The following DLG1 variants were observed in gnomAD, a reference collection of about 807,000 sequenced individuals.
DLG1 encodes the protein disks large homolog 1.
DLG1 carries 42 observed loss-of-function variants against 123.4 expected under a neutral mutation model. The observed-to-expected ratio is 0.34, with a 90% CI of 0.27 to 0.44. The LOEUF is 0.44. Ranked by LOEUF, DLG1 falls within the 20% of genes least tolerant of loss-of-function variation. DLG1 has a pLI of 1.00. For missense variants in DLG1, 942 were observed against 1,082.6 expected (o/e 0.87, Z 1.82); for synonymous variants, 317 against 356.2 (o/e 0.89, Z 1.24).
intron 3 of DLG1, among the ~76,000 whole-genome samples, chr3:197,294,291 G>A (rs1299849998): frequency 2.0e-5 from 3 of 152,076 alleles, no homozygotes; most frequent in Admixed American, 6.5e-5. Flanking sequence ...AAATTTAAAT[G>A]TCAAAGTAAA....
upstream of DLG1, chr3:197,298,623 CG>C (rs1778604244): frequency 1.9e-5 from 3 of 159,982 alleles, no homozygotes; most frequent in African/African-American, 7.4e-5. Context: ...AGATCCCCAC[CG>C]GGGAAAAGCC....
chr3:197,145,246 G>GCATCATCTTGTTTCTTA (rs1342839702), intron 6 of DLG1, among the ~76,000 whole-genome samples: 1 of 152,072 alleles, frequency 6.6e-6, no homozygotes, highest in Non-Finnish European at 1.5e-5. Context: ...AAGGTTATTT[G>GCATCATCTTGTTTCTTA]CATCATCTTG....
chr3:197,288,739 A>ATAC (rs1773220194), intron 3 of DLG1, among the ~76,000 whole-genome samples: 2 of 49,870 alleles, frequency 4.0e-5, no homozygotes, highest in African/African-American at 2.4e-4. Flanking sequence ...AAAAAAAAAA[A>ATAC]AAAAATACAT....
intron 4 of DLG1, among the ~76,000 whole-genome samples, chr3:197,268,782 A>C (rs909926267): frequency 6.6e-6 from 1 of 152,056 alleles, no homozygotes; most frequent in Non-Finnish European, 1.5e-5. Context: ...AATACACTGT[A>C]TAGAGGTACA....
At chr3:197,275,832 TAAC>T (rs1766155799) in intron 4 of DLG1, among the ~76,000 whole-genome samples, 1 of 152,154 alleles carries the variant, frequency 6.6e-6, no homozygotes, top group Non-Finnish European at 1.5e-5. Flanking sequence ...TGACTATAGG[TAAC>T]AACAATTTAT....
chr3:197,233,966 ATT>A (rs1310004133), intron 4 of DLG1, among the ~76,000 whole-genome samples: 1 of 152,234 alleles, frequency 6.6e-6, no homozygotes, highest in African/African-American at 2.4e-5. Flanking sequence ...TGGTAAACAC[ATT>A]TGCTTCTAGC....
chr3:197,075,848 G>A (rs1322528178), intron 18 of DLG1: 2 of 1,612,410 alleles, frequency 1.2e-6, no homozygotes, highest in South Asian at 2.2e-5. Flanking sequence ...CAGGCCTTTT[G>A]ATCCCATGTC....
intron 3 of DLG1, chr3:197,293,861 A>C (rs1432614490): frequency 1.3e-5 from 2 of 153,042 alleles, no homozygotes; most frequent in Non-Finnish European, 3.0e-5. Flanking sequence ...CCTTTAATCC[A>C]GTGGTCCACA....
chr3:197,186,595 T>G (rs1392071300), intron 5 of DLG1, among the ~76,000 whole-genome samples: 1 of 142,134 alleles, frequency 7.0e-6, no homozygotes, highest in Non-Finnish European at 1.5e-5. Flanking sequence ...TATGAAAAAT[T>G]TATGACTATG....
chr3:197,107,777 A>G (rs1461437263), intron 13 of DLG1, among the ~76,000 whole-genome samples: 1 of 150,038 alleles, frequency 6.7e-6, no homozygotes, highest in Non-Finnish European at 1.5e-5. Flanking sequence ...AAACAGAAAT[A>G]GTTTTCTTGC....
chr3:197,221,600 T>G (rs934377397), intron 4 of DLG1, among the ~76,000 whole-genome samples: 1 of 152,130 alleles, frequency 6.6e-6, no homozygotes, highest in Admixed American at 6.5e-5. Context: ...AACCTTTATG[T>G]AGACATTTTA....
intron 17 of DLG1, chr3:197,080,812 A>G (rs1454385664): frequency 2.9e-6 from 1 of 343,996 alleles, no homozygotes; most frequent in African/African-American, 2.1e-5. Flanking sequence ...AATACATTTC[A>G]TTTATAAAAA....
At chr3:197,147,537 T>C (rs1791535460) in intron 6 of DLG1, among the ~76,000 whole-genome samples, 1 of 151,902 alleles carries the variant, frequency 6.6e-6, no homozygotes, top group Non-Finnish European at 1.5e-5. Context: ...TGAATGGAAC[T>C]GGAGATTATT....
intron 14 of DLG1, among the ~76,000 whole-genome samples, chr3:197,104,192 A>C (rs967091331): frequency 6.6e-6 from 1 of 152,146 alleles, no homozygotes; most frequent in Non-Finnish European, 1.5e-5. Flanking sequence ...AATCTGGGTG[A>C]CCTAATTTTT....
chr3:197,273,240 C>CTTTATT (rs563442193), intron 4 of DLG1, among the ~76,000 whole-genome samples: 2 of 137,866 alleles, frequency 1.5e-5, no homozygotes, highest in African/African-American at 5.8e-5. Context: ...ATATTTTTTT[C>CTTTATT]TTTATTTTTA....
At chr3:197,262,651 T>A (rs918449734) in intron 4 of DLG1, among the ~76,000 whole-genome samples, 42 of 152,188 alleles carry the variant, frequency 2.8e-4, no homozygotes, top group African/African-American at 9.4e-4. Context: ...CTTCAGAGAC[T>A]ACTACTATCT....
intron 5 of DLG1, among the ~76,000 whole-genome samples, chr3:197,177,551 A>G (rs1271897911): frequency 1.3e-5 from 2 of 152,182 alleles, no homozygotes; most frequent in African/African-American, 4.8e-5. Context: ...AGGTCAATCA[A>G]TCTAGGATGG....
intron 14 of DLG1, among the ~76,000 whole-genome samples, chr3:197,091,882 A>G (rs1757916056): frequency 6.6e-6 from 1 of 152,162 alleles, no homozygotes; most frequent in African/African-American, 2.4e-5. Flanking sequence ...GTAGGTTAAG[A>G]TGACAGAGTA....
At chr3:197,237,460 T>G (rs1746572808) in intron 4 of DLG1, among the ~76,000 whole-genome samples, 1 of 152,182 alleles carries the variant, frequency 6.6e-6, no homozygotes. Flanking sequence ...AGGGGCAGCC[T>G]AGCAAGATAC....
Sources: gnomAD v4.1 joint callset for allele counts (sites outside exome capture counted in the v4.1 genomes callset) on GRCh38, gnomAD v4.1.1 for gene constraint, MANE v1.5 for transcripts, NCBI Gene and HGNC (gene_info 2026-07-23, HGNC 2026-07-21) for gene names.